Variants in DNAH17 observed in about 807,000 individuals in gnomAD.
DNAH17 encodes the protein axonemal beta dynein heavy chain 17.
DNAH17 carries 376 observed loss-of-function variants against 485.6 expected under a neutral mutation model. That is an observed-to-expected ratio of 0.77 (90% confidence interval 0.71 to 0.84). DNAH17 has a LOEUF of 0.84. Among genes scored for constraint, DNAH17 ranks in the 40% least tolerant of loss-of-function variants. The probability of loss-of-function intolerance (pLI) is 0.00; values close to 1 mark genes in which losing one functional copy is unlikely to be tolerated. For synonymous variants in DNAH17, 3,031 were observed against 2,405.9 expected (o/e 1.26, Z -7.60); for missense variants, 6,370 against 5,839.3 (o/e 1.09, Z -2.96).
intron 13 of DNAH17, among the ~76,000 whole-genome samples, chr17:78,559,465 G>A (rs1003673547): frequency 6.6e-6 from 1 of 152,114 alleles, no homozygotes; most frequent in Non-Finnish European, 1.5e-5. Flanking sequence ...CAACCTACTA[G>A]GAGTCTCCAT....
chr17:78,455,471 C>T (rs949572096), intron 63 of DNAH17, among the ~76,000 whole-genome samples, 173 bp downstream of exon 63: 2 of 150,126 alleles, frequency 1.3e-5, no homozygotes, highest in Non-Finnish European at 2.9e-5. Flanking sequence ...GATTAAGGCG[C>T]CCCCCACCAA....
In DNAH17 at chr17:78,423,789, A is replaced by G. The variant is rs1444038914; in HGVS notation, c.*117T>C. The G allele has an allele frequency of 7.4e-7, 1 of 1,354,224 alleles. No homozygotes were observed. Among genetic ancestry groups the G allele is most frequent in the Non-Finnish European group, 1.0e-6 (1 of 983,126 alleles). The allele number at this position is 1,354,224 out of a possible 1,614,324, so 83.9% of individuals were successfully genotyped here. ...GTGCTTGGTTACAAAGCACCTGATT[A>G]TTTAAGAGAACGAAAAACCACCACC... On this transcript the variant is annotated 3_prime_UTR_variant, in exon 81 of 81. Transcript: ENST00000389840.
At chr17:78,504,515 A>G (rs983910996) in intron 31 of DNAH17, among the ~76,000 whole-genome samples, 3 of 144,302 alleles carry the variant, frequency 2.1e-5, no homozygotes, top group African/African-American at 7.7e-5. Context: ...AGAGCAGGCC[A>G]CGTGTGTGCT....
intron 76 of DNAH17, 75 bp downstream of exon 76, chr17:78,429,046 T>G: frequency 1.3e-6 from 2 of 1,503,476 alleles, no homozygotes; most frequent in African/African-American, 1.4e-5. Flanking sequence ...TGACACTCCA[T>G]TTGTGCTGGC....
Position 78,444,626 on chromosome 17 carries a change from C to G in DNAH17, c.11506G>C (p.Asp3836His). 6.3e-7 allele frequency: 1 copy of G among 1,582,374 alleles called. No individual in the cohort carries two copies. The highest frequency in any genetic ancestry group is 8.6e-7 in the Non-Finnish European group (1 of 1,164,932). ...KLCMVRCLRPDRMTYAIKNFV... is the reference protein window; with the variant it reads ...KLCMVRCLRPHRMTYAIKNFV... ...CACTTGATAGCGTAGGTCATGCGAT[C>G]TGGCCGCAGGCAGCGCACCATGCAC... is the stretch of plus-strand genomic sequence containing the variant. The change falls in exon 71 of 81, where the codon GAT becomes CAT. Residue 3836 changes from aspartate to histidine, a missense_variant. Coordinates refer to ENST00000389840, the MANE Select transcript of DNAH17 (RefSeq NM_173628.4).
chr17:78,491,957 T>C lies in DNAH17; in HGVS notation c.6542-387A>G, dbSNP rs149890233. Reference sequence around the variant, plus strand: ...CGGAGCACGCTTCATGCGTCAGGCATGGAATGGAGCAAGGTGGGGGCTGGG... The same window carrying C: ...CGGAGCACGCTTCATGCGTCAGGCACGGAATGGAGCAAGGTGGGGGCTGGG... On this transcript the variant is annotated intron_variant, in intron 42 of 80. Transcript: ENST00000389840. Among the ~76,000 whole-genome samples the C allele has an allele frequency of 8.2e-3, 1,244 of 152,216 alleles. 15 individuals carry two copies. The highest frequency in any genetic ancestry group is 0.028 in the African/African-American group (1,178 of 41,520).
chr17:78,556,194 C>G (rs1189285282), intron 14 of DNAH17, among the ~76,000 whole-genome samples: 1 of 152,186 alleles, frequency 6.6e-6, no homozygotes. Flanking sequence ...TACCTGCTTT[C>G]CTATCTCTCT....
intron 13 of DNAH17, among the ~76,000 whole-genome samples, chr17:78,558,481 T>TCATGGGTGGATGACATCACCCG (rs2092077346): frequency 6.8e-6 from 1 of 148,004 alleles, no homozygotes; most frequent in Non-Finnish European, 1.5e-5. Context: ...GACATCACCC[T>TCATGGGTGGATGACATCACCCG]CATGGGTGGA....
chr17:78,566,609 C>A lies in DNAH17; in HGVS notation c.1569+5G>T. ...GATCTGCCTGCGTCTCCACTGCATG[C>A]TTACCTTTGCGGAGGACTTGATACA... On this transcript the variant is annotated splice_donor_5th_base_variant and intron_variant, in intron 11 of 80. Coordinates refer to ENST00000389840, the MANE Select transcript of DNAH17 (RefSeq NM_173628.4). The A allele has an allele frequency of 6.3e-7, 1 of 1,595,706 alleles. No individual in the cohort carries two copies. The highest frequency in any genetic ancestry group is 2.3e-5 in the East Asian group (1 of 44,408).
Position 78,567,086 on chromosome 17 carries a change from G to T in DNAH17, c.1365C>A (p.Ser455Arg). ...LGGVRGNLLG[S>R]LVTRIYDEVF... ...CCTCATCATAGATACGGGTCACCAG[G>T]CTCCCGAGGAGGTTCCCACGCACGC... Residue 455 changes from serine to arginine, a missense_variant, in exon 10 of 81, where the codon AGC (serine) becomes AGA (arginine). Transcript: ENST00000389840. The T allele has an allele frequency of 6.2e-7, 1 of 1,613,306 alleles. No homozygotes were observed. Among genetic ancestry groups the T allele is most frequent in the Non-Finnish European group, 8.5e-7 (1 of 1,179,642 alleles).
intron 55 of DNAH17, among the ~76,000 whole-genome samples, chr17:78,467,422 G>A (rs1160945238): frequency 1.3e-5 from 2 of 152,228 alleles, no homozygotes; most frequent in Admixed American, 6.5e-5. Context: ...CTCACTGCGT[G>A]ATGACGTGAG....
chr17:78,437,449 T>C (rs2086885385), intron 74 of DNAH17, among the ~76,000 whole-genome samples, 192 bp downstream of exon 74: 1 of 152,242 alleles, frequency 6.6e-6, no homozygotes, highest in African/African-American at 2.4e-5. Flanking sequence ...CAGAGCACCT[T>C]AAATTATTTG....
intron 11 of DNAH17, among the ~76,000 whole-genome samples, chr17:78,565,580 T>G (rs9897230): frequency 0.027 from 4,141 of 152,236 alleles, 209 homozygotes; most frequent in African/African-American, 0.094. Flanking sequence ...CCGGCTAAAC[T>G]GTTCAGATCA....
rs946423205 is a variant in DNAH17 at position 78,519,193 on chromosome 17, A to G, written c.3865-4171T>C. 1.2e-4 allele frequency among the ~76,000 whole-genome samples: 16 copies of G among 135,568 alleles called. No individual in the cohort carries two copies. The East Asian group carries it at 1.7e-3, about 14-fold the overall frequency. The allele number at this position is 135,568 out of a possible 152,430, so 88.9% of individuals were successfully genotyped here. A position where few individuals can be genotyped will look rare whatever the true frequency, so the allele number is the denominator to read the frequency against. ...AAAAAAAAAAAAAAAAAAAAAAAAA[A>G]GAAATGTAAAATATACTTCTAAATC... On this transcript the variant is annotated intron_variant, in intron 25 of 80. Transcript: ENST00000389840.
rs774051906 is a variant in DNAH17, at chr17:78,485,731, G to A, written c.7302C>T (p.Thr2434=). 3.1e-6 allele frequency: 5 copies of A among 1,613,992 alleles called. No homozygotes were observed. Among genetic ancestry groups the A allele is most frequent in the East Asian group, 2.2e-5 (1 of 44,884 alleles). ...GGTCCATGAAGTAGCGGATGCGGAT[G>A]GTTTCCGTGGTGTGGACCAAAGAGG... The part of the protein sequence containing the change: ...LQASLVHTTE[T]IRIRYFMDLL... The change falls in exon 47 of 81, where the codon ACC becomes ACT. Residue 2434 remains threonine, a synonymous_variant. Coordinates refer to ENST00000389840, the MANE Select transcript of DNAH17 (RefSeq NM_173628.4).
chr17:78,507,406 C>A (rs776395050), intron 28 of DNAH17, 37 bp from the exon 29 acceptor site: 1 of 1,613,838 alleles, frequency 6.2e-7, no homozygotes, highest in Non-Finnish European at 8.5e-7. Flanking sequence ...CATTAGGGAT[C>A]GCCACACACA....
intron 42 of DNAH17, among the ~76,000 whole-genome samples, chr17:78,492,302 C>T (rs2089895737): frequency 1.3e-5 from 2 of 148,710 alleles, no homozygotes; most frequent in Non-Finnish European, 3.0e-5. Flanking sequence ...CCCCGGGCAG[C>T]CTCCAGCCTG....
At position 78,558,089 on chromosome 17, in the gene DNAH17, TACCGACTC is replaced by T. The variant is rs1248247058; in HGVS notation, c.2178+11_2178+18del. 6.2e-7 allele frequency: 1 copy of T among 1,608,358 alleles called. No homozygotes were observed. Among genetic ancestry groups the T allele is most frequent in the Non-Finnish European group, 8.5e-7 (1 of 1,176,618 alleles). On this transcript the variant is annotated intron_variant, in intron 14 of 80. Transcript: ENST00000389840. ...CAATACAAAGCTGCATCAGGAATAG[TACCGACTC>T]ACCAACTCACCTCATTATACCAGCC...
chr17:78,449,330 A>G, intron 69 of DNAH17, 84 bp downstream of exon 69: 1 of 1,415,764 alleles, frequency 7.1e-7, no homozygotes, highest in Non-Finnish European at 9.6e-7. Flanking sequence ...GGGGCCCAAC[A>G]ATCTGCCTTT....
Sources: gnomAD v4.1 joint callset for allele counts (sites outside exome capture counted in the v4.1 genomes callset) on GRCh38, gnomAD v4.1.1 for gene constraint, MANE v1.5 for transcripts, NCBI Gene and HGNC (gene_info 2026-07-23, HGNC 2026-07-21) for gene names.